The following SRPK2 variants were observed in gnomAD, a reference collection of about 807,000 sequenced individuals.
The protein encoded by SRPK2 is SRSF protein kinase 2.
In SRPK2, 21 loss-of-function variants were observed where a neutral mutation model predicts 90.8. The observed-to-expected ratio is 0.23, with a 90% confidence interval of 0.16 to 0.33. The LOEUF is 0.33. Among genes scored for constraint, SRPK2 ranks in the 10% least tolerant of loss-of-function variants. The probability of loss-of-function intolerance (pLI) is 1.00; values close to 1 mark genes in which losing one functional copy is unlikely to be tolerated. For missense variants in SRPK2, 620 were observed against 869.0 expected (o/e 0.71, Z 3.60); for synonymous variants, 288 against 311.1 (o/e 0.93, Z 0.78).
chr7:105,313,134 C>T (rs1415522193), intron 2 of SRPK2, among the ~76,000 whole-genome samples: 2 of 151,414 alleles, frequency 1.3e-5, no homozygotes, highest in Non-Finnish European at 2.9e-5. Context: ...TTACTTTTGT[C>T]AAAAGGTAAT....
At chr7:105,273,954 C>T (rs1439397936) in intron 2 of SRPK2, among the ~76,000 whole-genome samples, 1 of 152,212 alleles carries the variant, frequency 6.6e-6, no homozygotes, top group Non-Finnish European at 1.5e-5. Flanking sequence ...CTCAGATCAT[C>T]TCATAGCTGA....
At chr7:105,244,920 C>T in intron 2 of SRPK2, 4 of 1,483,062 alleles carry the variant, frequency 2.7e-6, no homozygotes, top group Non-Finnish European at 3.7e-6. Context: ...GCGGGAGGAG[C>T]AAAGCAACGT....
At chr7:105,396,326 A>G (rs1269714298) in intron 1 of SRPK2, among the ~76,000 whole-genome samples, 1 of 151,998 alleles carries the variant, frequency 6.6e-6, no homozygotes, top group Non-Finnish European at 1.5e-5. Flanking sequence ...CAATGAGACC[A>G]TACATCTTAA....
intron 2 of SRPK2, among the ~76,000 whole-genome samples, chr7:105,212,978 A>C (rs1797043314): frequency 6.6e-6 from 1 of 152,198 alleles, no homozygotes; most frequent in South Asian, 2.1e-4. Flanking sequence ...AGGTGATGGA[A>C]TCTAGACATA....
intron 2 of SRPK2, among the ~76,000 whole-genome samples, chr7:105,346,532 G>C (rs866717985): frequency 6.6e-6 from 1 of 152,098 alleles, no homozygotes; most frequent in East Asian, 1.9e-4. Context: ...AAGGCGGGCG[G>C]ATCACGAGGT....
At chr7:105,287,608 T>C (rs1157714446) in intron 2 of SRPK2, among the ~76,000 whole-genome samples, 9 of 151,320 alleles carry the variant, frequency 5.9e-5, no homozygotes. Context: ...TGGTGGCACA[T>C]GCCTGCAATC....
At chr7:105,254,536 A>G (rs1478314219) in intron 2 of SRPK2, among the ~76,000 whole-genome samples, 1 of 152,222 alleles carries the variant, frequency 6.6e-6, no homozygotes, top group Non-Finnish European at 1.5e-5. Context: ...ATGATACTAC[A>G]GATGATTATT....
intron 2 of SRPK2, among the ~76,000 whole-genome samples, chr7:105,364,450 G>A (rs1818800197): frequency 6.8e-6 from 1 of 146,218 alleles, no homozygotes; most frequent in African/African-American, 2.5e-5. Flanking sequence ...ACCCTGGCTG[G>A]AGTGCGGTGC....
At chr7:105,244,914 GA>G in intron 2 of SRPK2, 2 of 1,486,478 alleles carry the variant, frequency 1.3e-6, no homozygotes, top group Non-Finnish European at 1.9e-6. Context: ...GAGGAAGCGG[GA>G]GGAGCAAAGC....
At chr7:105,357,304 G>T (rs1419685113) in intron 2 of SRPK2, among the ~76,000 whole-genome samples, 1 of 152,124 alleles carries the variant, frequency 6.6e-6, no homozygotes, top group African/African-American at 2.4e-5. Flanking sequence ...CTCCCAAAGT[G>T]CTGCGATTAC....
At chr7:105,253,883 C>T (rs929583505) in intron 2 of SRPK2, among the ~76,000 whole-genome samples, 5 of 137,808 alleles carry the variant, frequency 3.6e-5, no homozygotes, top group Non-Finnish European at 6.2e-5. Flanking sequence ...AATTCCTGTA[C>T]ATCTTTATTT....
chr7:105,245,496 G>T (rs1801523720), intron 2 of SRPK2, among the ~76,000 whole-genome samples: 1 of 152,194 alleles, frequency 6.6e-6, no homozygotes, highest in African/African-American at 2.4e-5. Context: ...TAATTCTGGG[G>T]ATGATGCAAA....
Position 105,358,155 on chromosome 7 carries a change from C to A in SRPK2, c.71+30493G>T, listed in dbSNP as rs1263417156. ...AGGAGAATCGCTTGAACCCGGGAGG[C>A]GAAGGTTGCAGTGAGACGAGATCAC... On this transcript the variant is annotated intron_variant, in intron 2 of 15. Transcript: ENST00000393651. Among the ~76,000 whole-genome samples the A allele has an allele frequency of 2.2e-5, 3 of 138,938 alleles. No individual in the cohort carries two copies. In the East Asian group the frequency reaches 6.5e-4, roughly 30 times the overall value. The allele number at this position is 138,938 out of a possible 152,430, so 91.1% of individuals were successfully genotyped here.
intron 2 of SRPK2, among the ~76,000 whole-genome samples, chr7:105,377,017 A>T (rs1460087158): frequency 1.3e-5 from 2 of 152,102 alleles, no homozygotes; most frequent in Non-Finnish European, 2.9e-5. Context: ...TTTTATTTTA[A>T]AACACTGTGC....
intron 3 of SRPK2, among the ~76,000 whole-genome samples, chr7:105,171,507 A>G (rs1313698465): frequency 6.6e-6 from 1 of 152,228 alleles, no homozygotes; most frequent in Non-Finnish European, 1.5e-5. Flanking sequence ...TTACTCAATA[A>G]AGATGTGGAT....
downstream of SRPK2, among the ~76,000 whole-genome samples, chr7:105,116,215 C>T (rs1025402152): frequency 2.0e-5 from 3 of 152,072 alleles, no homozygotes; most frequent in Non-Finnish European, 4.4e-5. Flanking sequence ...CCCTTCTGCC[C>T]TTAAAAAACA....
intron 2 of SRPK2, among the ~76,000 whole-genome samples, chr7:105,229,637 G>A (rs1799182218): frequency 3.3e-5 from 5 of 152,208 alleles, no homozygotes; most frequent in Admixed American, 3.3e-4. Context: ...TAAAATTCTA[G>A]AGTCAGGTTA....
At chr7:105,374,157 C>A (rs1167637795) in intron 2 of SRPK2, among the ~76,000 whole-genome samples, 1 of 152,012 alleles carries the variant, frequency 6.6e-6, no homozygotes, top group Non-Finnish European at 1.5e-5. Context: ...AAACTCCTCA[C>A]CTCAAGTGAT....
Position 105,396,812 on chromosome 7 carries a change from AAGAG to A in SRPK2, n.153+2340_153+2343del, listed in dbSNP as rs201684519. Among the ~76,000 whole-genome samples, 290 of 71,574 alleles carry A rather than the reference AAGAG, an allele frequency of 4.1e-3. 1 individual carries two copies. Among genetic ancestry groups the A allele is most frequent in the African/African-American group, 9.8e-3 (256 of 26,250 alleles). 47.0% of individuals were successfully genotyped at this position (71,574 alleles called of 152,430 possible). On this transcript the variant is annotated intron_variant and non_coding_transcript_variant, in intron 1 of 3. Transcript: ENST00000462282. ...AAAGAAAGAGAAAGAGAAAGAAAGAAAGAGAGAAAGAGAGAGAGAGAGAGAAAGA... is the reference window on the plus strand; with the variant it reads ...AAAGAAAGAGAAAGAGAAAGAAAGAAAGAAAGAGAGAGAGAGAGAGAAAGA...
Sources: allele counts gnomAD v4.1 joint callset (sites outside exome capture counted in the v4.1 genomes callset), GRCh38; gene constraint gnomAD v4.1.1; transcripts MANE v1.5; gene names NCBI Gene and HGNC (gene_info 2026-07-23, HGNC 2026-07-21).